MSANTD2: variants seen among roughly 807,000 people sequenced by gnomAD.
MSANTD2 encodes Myb/SANT DNA binding domain containing 2.
Under a neutral mutation model 52.6 loss-of-function variants are expected in MSANTD2, and 19 were observed. The ratio of observed to expected loss-of-function variants is 0.36; its 90% CI spans 0.25 to 0.53. The LOEUF (loss-of-function observed/expected upper bound fraction) is 0.53, where lower values mean the gene tolerates loss of function less well. MSANTD2 is among the 20% of genes least tolerant of loss of function. The pLI, the probability that MSANTD2 is intolerant of heterozygous loss-of-function variation, is 0.91. For synonymous variants in MSANTD2, 291 were observed against 289.7 expected, an observed-to-expected ratio of 1.00 and a Z score of -0.04; for missense variants, 558 against 716.3, an observed-to-expected ratio of 0.78 and a Z score of 2.52.
chr11:124,791,462 T>C (rs1315448575), intron 1 of MSANTD2: 1 of 1,172,570 alleles, frequency 8.5e-7, no homozygotes, highest in Non-Finnish European at 1.3e-6. Context: ...CCACCTGCAC[T>C]GGGAGGTCAG....
At chr11:124,780,517 AAGTTCTT>A (rs1323903133) in intron 1 of MSANTD2, among the ~76,000 whole-genome samples, 2 of 152,216 alleles carry the variant, frequency 1.3e-5, no homozygotes, top group Non-Finnish European at 2.9e-5. Flanking sequence ...TCCAGGGCAG[AAGTTCTT>A]AACCTTTTTG....
intron 1 of MSANTD2, among the ~76,000 whole-genome samples, chr11:124,781,231 T>C (rs550971803): frequency 6.6e-6 from 1 of 152,012 alleles, no homozygotes; most frequent in Non-Finnish European, 1.5e-5. Flanking sequence ...ATTACTTTAC[T>C]CTTCTAAAAA....
chr11:124,771,083 C>T (rs527676013), intron 3 of MSANTD2, among the ~76,000 whole-genome samples: 1 of 152,070 alleles, frequency 6.6e-6, no homozygotes, highest in East Asian at 1.9e-4. Context: ...GGACAGGCTG[C>T]TCTCAAACTC....
intron 1 of MSANTD2, chr11:124,790,392 G>A (rs1163435644): frequency 2.0e-5 from 3 of 152,200 alleles, no homozygotes; most frequent in African/African-American, 7.2e-5. Context: ...TATGGTCTTT[G>A]ACTGCAGTCA....
intron 1 of MSANTD2, chr11:124,792,419 CTGTT>C (rs1457079036): frequency 6.6e-6 from 1 of 152,232 alleles, no homozygotes; most frequent in Non-Finnish European, 1.5e-5. Context: ...CAGCTGAACA[CTGTT>C]TGGATGCTTC....
chr11:124,792,560 T>C (rs1266398696), intron 1 of MSANTD2: 1 of 152,224 alleles, frequency 6.6e-6, no homozygotes, highest in Admixed American at 6.5e-5. Flanking sequence ...CCCTTCAGGA[T>C]CCACCTTTTG....
Position 124,767,708 on chromosome 11 carries a change from G to C in MSANTD2, c.1148C>G (p.Ala383Gly), listed in dbSNP as rs1400188284. 1.2e-6 allele frequency: 2 copies of C among 1,614,122 alleles called. No individual in the cohort carries two copies. Among genetic ancestry groups the C allele is most frequent in the African/African-American group, 2.7e-5 (2 of 74,938 alleles). ...YKFLEITISE[A>G]RCLELHMEID... ...TTCCATGTGCAGCTCCAAGCACCTA[G>C]CTTCGCTAATAGTGATCTCTAAAAA... Residue 383 changes from alanine to glycine, a missense_variant, in exon 4 of 4, where the codon GCT (alanine) becomes GGT (glycine). By Grantham distance (60) the Ala-to-Gly change is moderately conservative. Coordinates refer to ENST00000374979, the MANE Select transcript of MSANTD2 (RefSeq NM_001308027.2). This position sits in a 1 kb window ranked among gnomAD's most constrained non-coding sequence, Gnocchi z 6.5.
intron 3 of MSANTD2, among the ~76,000 whole-genome samples, chr11:124,769,357 G>A (rs1221716432): frequency 6.6e-6 from 1 of 152,202 alleles, no homozygotes; most frequent in Non-Finnish European, 1.5e-5. Flanking sequence ...AAGTATGAGA[G>A]TGGCTATCTA....
chr11:124,784,483 C>G, intron 1 of MSANTD2: 3 of 20,610 alleles, frequency 1.5e-4, no homozygotes, highest in Non-Finnish European at 1.8e-4. Context: ...AAAAATTAAA[C>G]CCCCCCCCCG....
chr11:124,783,935 G>C (rs1265517895), intron 1 of MSANTD2: 1 of 985,212 alleles, frequency 1.0e-6, no homozygotes, highest in Non-Finnish European at 1.2e-6. Context: ...TACTTGTAAA[G>C]GTCACACCTA....
At chr11:124,792,846 G>C (rs1487741037) in intron 1 of MSANTD2, 1 of 152,092 alleles carries the variant, frequency 6.6e-6, no homozygotes, top group East Asian at 1.9e-4. Flanking sequence ...CTGATGACAG[G>C]GAATGAGCAA....
At chr11:124,772,742 C>CAAAAAA (rs57859579) in intron 3 of MSANTD2, among the ~76,000 whole-genome samples, 10 of 57,926 alleles carry the variant, frequency 1.7e-4, no homozygotes, top group Admixed American at 2.7e-4. Flanking sequence ...GATTCCGTCT[C>CAAAAAA]AAAAAAAAAA....
chr11:124,782,170 A>G (rs11601322), intron 1 of MSANTD2, among the ~76,000 whole-genome samples: 46,468 of 152,072 alleles, frequency 0.31, 10,260 homozygotes, highest in African/African-American at 0.63. Context: ...TTATGGAGCC[A>G]GAATCAGTGG....
chr11:124,796,018 T>C (rs1433843445), intron 1 of MSANTD2, among the ~76,000 whole-genome samples: 1 of 152,154 alleles, frequency 6.6e-6, no homozygotes, highest in Non-Finnish European at 1.5e-5. Context: ...ATGACAGACA[T>C]CAAAATCAAA....
intron 1 of MSANTD2, chr11:124,790,942 T>C (rs1945312169): frequency 3.5e-6 from 1 of 285,948 alleles, no homozygotes; most frequent in African/African-American, 2.2e-5. Context: ...ACACAATGAA[T>C]GAAAAAATCT....
intron 1 of MSANTD2, among the ~76,000 whole-genome samples, chr11:124,793,028 T>C (rs571697663): frequency 3.9e-4 from 59 of 152,078 alleles, no homozygotes; most frequent in Non-Finnish European, 8.1e-4. Flanking sequence ...AGATACTGAG[T>C]TCTAAAGCAG....
intron 1 of MSANTD2, among the ~76,000 whole-genome samples, chr11:124,796,697 G>A (rs1186202678): frequency 6.6e-6 from 1 of 152,202 alleles, no homozygotes; most frequent in Admixed American, 6.5e-5. Context: ...GTGAGCCTCT[G>A]ACATTGAGTT....
chr11:124,793,292 T>C (rs1039950658), intron 1 of MSANTD2, among the ~76,000 whole-genome samples: 4 of 152,236 alleles, frequency 2.6e-5, no homozygotes, highest in African/African-American at 4.8e-5. Flanking sequence ...ATTTTTCAGA[T>C]TCAGTTTGTT....
At chr11:124,784,124 T>C in intron 1 of MSANTD2, 1 of 984,866 alleles carries the variant, frequency 1.0e-6, no homozygotes, top group Non-Finnish European at 1.2e-6. Flanking sequence ...CAGATAACAC[T>C]ATTTGTCTAG....
Sources: allele counts gnomAD v4.1 joint callset (sites outside exome capture counted in the v4.1 genomes callset), GRCh38; gene constraint gnomAD v4.1.1; non-coding constraint Gnocchi (gnomAD v3.1); transcripts MANE v1.5; gene names NCBI Gene and HGNC (gene_info 2026-07-23, HGNC 2026-07-21).